The following SGCZ variants were observed in gnomAD, a reference collection of about 807,000 sequenced individuals.
The protein encoded by SGCZ is sarcoglycan zeta, also known as zeta-sarcoglycan.
A neutral mutation model predicts 41.3 loss-of-function variants in SGCZ; 40 were observed. That is an observed-to-expected ratio of 0.97 (90% CI 0.75 to 1.26). The LOEUF is 1.26. Among genes scored for constraint, SGCZ ranks in the 50% most tolerant of loss-of-function variants. The probability of loss-of-function intolerance (pLI) is 0.00; values close to 1 mark genes in which losing one functional copy is unlikely to be tolerated. For missense variants in SGCZ, 552 were observed against 369.8 expected (o/e 1.49, Z -4.04); for synonymous variants, 206 against 137.5 (o/e 1.50, Z -3.49).
intron 1 of SGCZ, among the ~76,000 whole-genome samples, chr8:15,023,725 C>T (rs199525320): frequency 3.9e-5 from 6 of 152,068 alleles, no homozygotes; most frequent in East Asian, 1.9e-4. Flanking sequence ...GAATAATCTT[C>T]GGTATGTTCA....
intron 1 of SGCZ, among the ~76,000 whole-genome samples, chr8:14,881,007 A>T (rs1804565277): frequency 1.3e-5 from 2 of 152,100 alleles, no homozygotes; most frequent in African/African-American, 4.8e-5. Flanking sequence ...AAAATACAAA[A>T]CACAGAGAAA....
At chr8:15,053,852 A>G (rs893095792) in intron 1 of SGCZ, among the ~76,000 whole-genome samples, 5 of 152,204 alleles carry the variant, frequency 3.3e-5, no homozygotes, top group Admixed American at 2.6e-4. Context: ...TGAGTTTGAC[A>G]TAAACTGGCA....
At chr8:14,524,095 T>A (rs964965301) in intron 2 of SGCZ, among the ~76,000 whole-genome samples, 3 of 152,158 alleles carry the variant, frequency 2.0e-5, no homozygotes, top group African/African-American at 7.2e-5. Flanking sequence ...TATCTAGTGA[T>A]TATTTTACAT....
At chr8:14,832,901 A>G (rs551235906) in intron 1 of SGCZ, among the ~76,000 whole-genome samples, 1 of 152,292 alleles carries the variant, frequency 6.6e-6, no homozygotes, top group East Asian at 1.9e-4. Flanking sequence ...TAACTATAAT[A>G]TCTTGCCAAA....
At chr8:14,197,925 T>C (rs1805318679) in intron 4 of SGCZ, among the ~76,000 whole-genome samples, 1 of 152,106 alleles carries the variant, frequency 6.6e-6, no homozygotes, top group South Asian at 2.1e-4. Flanking sequence ...TATATAAAGT[T>C]ACTAAAAGAA....
intron 1 of SGCZ, among the ~76,000 whole-genome samples, chr8:14,914,750 A>C (rs1007916945): frequency 6.6e-6 from 1 of 152,200 alleles, no homozygotes; most frequent in Non-Finnish European, 1.5e-5. Context: ...ATGTTCCACA[A>C]ATACAATTCA....
intron 1 of SGCZ, among the ~76,000 whole-genome samples, chr8:14,921,177 G>A (rs567318859): frequency 1.3e-5 from 2 of 152,240 alleles, no homozygotes; most frequent in Admixed American, 6.5e-5. Flanking sequence ...TCAGCTTCCC[G>A]CATTCCCTTA....
intron 3 of SGCZ, among the ~76,000 whole-genome samples, chr8:14,321,567 G>A (rs1179627350): frequency 6.6e-6 from 1 of 152,044 alleles, no homozygotes; most frequent in Non-Finnish European, 1.5e-5. Context: ...AGAAAATTCT[G>A]TATGTCAGAG....
rs746752493 is a variant in SGCZ at position 14,554,767 on chromosome 8, T to C, written c.199A>G (p.Thr67Ala). 6.2e-7 allele frequency: 1 copy of C among 1,613,030 alleles called. No homozygotes were observed. The highest frequency in any genetic ancestry group is 8.5e-7 in the Non-Finnish European group (1 of 1,179,402). ...LVTMIVNLAM[T>A]IWILKVMNFT... ...TTCATAACTTTCAATATCCATATTG[T>C]CATGGCTAAGTTAACTATCATGGTA... is the stretch of plus-strand genomic sequence containing the variant. Residue 67 changes from threonine to alanine, a missense_variant, in exon 2 of 8, where the codon ACA becomes GCA. Transcript: ENST00000382080.
chr8:14,177,675 A>ATTTT (rs1193141913), intron 4 of SGCZ, among the ~76,000 whole-genome samples: 8 of 111,334 alleles, frequency 7.2e-5, no homozygotes, highest in African/African-American at 1.3e-4. Context: ...ACGCCCTGCT[A>ATTTT]TTTTTTTTTT....
chr8:14,112,530 A>G (rs932243286), intron 5 of SGCZ, among the ~76,000 whole-genome samples: 1 of 152,096 alleles, frequency 6.6e-6, no homozygotes, highest in Non-Finnish European at 1.5e-5. Flanking sequence ...GTTAGTAAAT[A>G]TATTCAAACT....
intron 1 of SGCZ, among the ~76,000 whole-genome samples, chr8:14,945,654 G>A (rs1000963526): frequency 4.7e-5 from 7 of 149,764 alleles, no homozygotes; most frequent in Non-Finnish European, 8.9e-5. Flanking sequence ...GACTGAGGGG[G>A]GAGATCTACA....
intron 1 of SGCZ, among the ~76,000 whole-genome samples, chr8:14,590,138 T>C (rs1403595107): frequency 2.6e-5 from 4 of 152,136 alleles, no homozygotes; most frequent in Non-Finnish European, 5.9e-5. Flanking sequence ...TCAAGTATTT[T>C]TATATTTTTA....
chr8:15,161,185 C>A (rs1350897086), intron 1 of SGCZ, among the ~76,000 whole-genome samples: 2 of 152,036 alleles, frequency 1.3e-5, no homozygotes, highest in African/African-American at 4.8e-5. Flanking sequence ...CTCTTCTGTC[C>A]CTTGAATATA....
intron 1 of SGCZ, among the ~76,000 whole-genome samples, chr8:14,931,195 T>C (rs1182408478): frequency 6.6e-6 from 1 of 152,018 alleles, no homozygotes; most frequent in Non-Finnish European, 1.5e-5. Context: ...GATTCTTGAT[T>C]ACATAATCTG....
chr8:14,287,084 C>T (rs1431362049), intron 3 of SGCZ, among the ~76,000 whole-genome samples: 1 of 151,698 alleles, frequency 6.6e-6, no homozygotes, highest in African/African-American at 2.4e-5. Flanking sequence ...CTTACAAATA[C>T]ATAAGTAATT....
At chr8:14,495,459 G>A (rs1054602805) in intron 2 of SGCZ, among the ~76,000 whole-genome samples, 3 of 152,144 alleles carry the variant, frequency 2.0e-5, no homozygotes, top group Admixed American at 1.3e-4. Flanking sequence ...TTATTTGACA[G>A]TTAAGTATCA....
intron 4 of SGCZ, among the ~76,000 whole-genome samples, chr8:14,223,140 C>T (rs1272209750): frequency 6.6e-6 from 1 of 152,032 alleles, no homozygotes; most frequent in Non-Finnish European, 1.5e-5. Flanking sequence ...ACATCTTCAT[C>T]TTACATCGAA....
chr8:15,090,322 T>C (rs886140374), intron 1 of SGCZ, among the ~76,000 whole-genome samples: 5 of 152,218 alleles, frequency 3.3e-5, no homozygotes, highest in Non-Finnish European at 7.3e-5. Context: ...AATTAACACT[T>C]GAGGTTTGAC....
Sources: gnomAD v4.1 joint callset for allele counts (sites outside exome capture counted in the v4.1 genomes callset) on GRCh38, gnomAD v4.1.1 for gene constraint, MANE v1.5 for transcripts, NCBI Gene and HGNC (gene_info 2026-07-23, HGNC 2026-07-21) for gene names.